The following SPAG16 variants were observed in gnomAD, a reference collection of about 807,000 sequenced individuals.
The protein encoded by SPAG16 is sperm-associated antigen 16 protein.
SPAG16 carries 86 observed loss-of-function variants against 80.4 expected under a neutral mutation model. The observed-to-expected ratio is 1.07, with a 90% CI of 0.90 to 1.28. SPAG16 has a LOEUF of 1.28. SPAG16 is among the 50% of genes most tolerant of loss of function. SPAG16 has a pLI of 0.00. For synonymous variants in SPAG16, 294 were observed against 265.9 expected (o/e 1.11, Z -1.03); for missense variants, 870 against 765.3 (o/e 1.14, Z -1.61).
chr2:214,185,982 GT>G (rs773637398), intron 15 of SPAG16, among the ~76,000 whole-genome samples: 45 of 152,100 alleles, frequency 3.0e-4, no homozygotes, highest in Non-Finnish European at 5.1e-4. Flanking sequence ...TTAGGGCAGA[GT>G]CCTTGTTTGT....
intron 10 of SPAG16, among the ~76,000 whole-genome samples, chr2:213,519,251 T>C (rs1184371294): frequency 6.6e-6 from 1 of 152,226 alleles, no homozygotes; most frequent in Non-Finnish European, 1.5e-5. Flanking sequence ...TTCATACCCT[T>C]ACTTTTAAAA....
chr2:214,000,899 G>T (rs1234584833), intron 12 of SPAG16, among the ~76,000 whole-genome samples: 1 of 152,086 alleles, frequency 6.6e-6, no homozygotes, highest in Non-Finnish European at 1.5e-5. Flanking sequence ...TTTCAGCCAG[G>T]CTTTTTCTCC....
intron 15 of SPAG16, among the ~76,000 whole-genome samples, chr2:214,262,232 A>C (rs149485165): frequency 0.018 from 2,686 of 152,234 alleles, 51 homozygotes; most frequent in African/African-American, 0.042. Flanking sequence ...GAGAAAACAT[A>C]ATATACCAAG....
chr2:214,227,120 A>G (rs1417096850), intron 15 of SPAG16, among the ~76,000 whole-genome samples: 8 of 152,188 alleles, frequency 5.3e-5, no homozygotes, highest in African/African-American at 1.9e-4. Context: ...TTACAATAAA[A>G]TTAATATAAA....
chr2:213,284,801 T>A (rs1344102415), intron 1 of SPAG16, 182 bp downstream of exon 1: 3 of 880,770 alleles, frequency 3.4e-6, no homozygotes, highest in African/African-American at 1.7e-5. Context: ...ACTGAATTTC[T>A]CGCCCTTAGT....
intron 12 of SPAG16, among the ~76,000 whole-genome samples, chr2:213,966,632 A>C (rs1189504299): frequency 6.6e-6 from 1 of 152,174 alleles, no homozygotes; most frequent in East Asian, 1.9e-4. Flanking sequence ...ATCCTTGCAT[A>C]TTTTCCAAAT....
intron 9 of SPAG16, among the ~76,000 whole-genome samples, chr2:213,480,657 T>C (rs2073701534): frequency 6.6e-6 from 1 of 152,222 alleles, no homozygotes; most frequent in African/African-American, 2.4e-5. Flanking sequence ...AAGTGATCAC[T>C]TGTGTCATCA....
At chr2:214,385,929 T>G (rs1700723804) in intron 15 of SPAG16, among the ~76,000 whole-genome samples, 1 of 152,222 alleles carries the variant, frequency 6.6e-6, no homozygotes, top group Admixed American at 6.5e-5. Context: ...AAATCTGAAG[T>G]TCAACAATAA....
At chr2:214,320,170 T>A (rs980488771) in intron 15 of SPAG16, among the ~76,000 whole-genome samples, 1 of 152,242 alleles carries the variant, frequency 6.6e-6, no homozygotes, top group Non-Finnish European at 1.5e-5. Context: ...CAGTGACTCT[T>A]CTGATTTCTC....
intron 10 of SPAG16, among the ~76,000 whole-genome samples, chr2:213,739,271 T>C (rs1269950397): frequency 6.6e-6 from 1 of 152,240 alleles, no homozygotes; most frequent in African/African-American, 2.4e-5. Context: ...AGGTTAATTT[T>C]ATAACTACTT....
intron 10 of SPAG16, among the ~76,000 whole-genome samples, chr2:213,746,304 C>G (rs1559432369): frequency 6.6e-6 from 1 of 152,206 alleles, no homozygotes; most frequent in Non-Finnish European, 1.5e-5. Flanking sequence ...CTCTGAAAAA[C>G]TATGTTAATC....
At chr2:214,226,636 G>C (rs930868174) in intron 15 of SPAG16, among the ~76,000 whole-genome samples, 3 of 151,900 alleles carry the variant, frequency 2.0e-5, no homozygotes, top group Admixed American at 1.3e-4. Context: ...TGATTCAAAG[G>C]CTGTTTAAAA....
intron 3 of SPAG16, among the ~76,000 whole-genome samples, chr2:213,297,982 A>T (rs1157097911): frequency 6.6e-6 from 1 of 152,160 alleles, no homozygotes; most frequent in African/African-American, 2.4e-5. Context: ...TAACCCCTTT[A>T]CTACAGAGAA....
At chr2:213,288,020 C>T (rs189111865) in intron 1 of SPAG16, among the ~76,000 whole-genome samples, 19 of 152,320 alleles carry the variant, frequency 1.2e-4, no homozygotes, top group African/African-American at 4.3e-4. Context: ...ATCTTCCCAC[C>T]TCAGCTTCCT....
chr2:213,508,167 A>G (rs2075048917), intron 10 of SPAG16, among the ~76,000 whole-genome samples: 1 of 152,240 alleles, frequency 6.6e-6, no homozygotes, highest in Admixed American at 6.5e-5. Context: ...TGTTTATTGC[A>G]GCACTATTCA....
intron 10 of SPAG16, among the ~76,000 whole-genome samples, chr2:213,617,758 A>C (rs1008565949): frequency 1.3e-5 from 2 of 152,178 alleles, no homozygotes; most frequent in African/African-American, 4.8e-5. Context: ...GGCTGCAGTG[A>C]GCCATGATCA....
chr2:213,317,085 T>G, intron 4 of SPAG16, 134 bp from the exon 5 acceptor site: 1 of 516,718 alleles, frequency 1.9e-6, no homozygotes, highest in South Asian at 4.0e-5. Context: ...CTGTTGGACA[T>G]TTTAACTTAT....
intron 12 of SPAG16, among the ~76,000 whole-genome samples, chr2:214,008,391 G>A (rs1354633082): frequency 6.6e-6 from 1 of 151,230 alleles, no homozygotes; most frequent in South Asian, 2.1e-4. Flanking sequence ...TATTTTTCTT[G>A]TGTATGGATT....
chr2:213,863,868 G>C (rs1352885682), intron 11 of SPAG16, among the ~76,000 whole-genome samples: 1 of 152,074 alleles, frequency 6.6e-6, no homozygotes, highest in East Asian at 1.9e-4. Context: ...TATGAGGTGA[G>C]ATACATCATT....
Sources: allele counts gnomAD v4.1 joint callset (sites outside exome capture counted in the v4.1 genomes callset), GRCh38; gene constraint gnomAD v4.1.1; transcripts MANE v1.5; gene names NCBI Gene and HGNC (gene_info 2026-07-23, HGNC 2026-07-21).